Variants in PRMT8 observed in about 807,000 individuals in gnomAD.
The protein encoded by PRMT8 is protein arginine N-methyltransferase 8.
PRMT8 carries 7 observed loss-of-function variants against 47.1 expected under a neutral mutation model. That is an observed-to-expected ratio of 0.15 (90% CI 0.08 to 0.28). The LOEUF (loss-of-function observed/expected upper bound fraction) is 0.28. Among genes scored for constraint, PRMT8 ranks in the 10% least tolerant of loss-of-function variants. The pLI, the probability that PRMT8 is intolerant of heterozygous loss-of-function variation, is 1.00. For missense variants in PRMT8, 237 were observed against 505.4 expected (o/e 0.47, Z 5.09); for synonymous variants, 188 against 186.5 (o/e 1.01, Z -0.07).
intron 1 of PRMT8, chr12:3,469,289 C>A: frequency 2.3e-6 from 1 of 434,464 alleles, no homozygotes; most frequent in Non-Finnish European, 4.5e-6. Flanking sequence ...CCACCAAAGC[C>A]CATGTAAGGA....
intron 1 of PRMT8, among the ~76,000 whole-genome samples, chr12:3,497,332 A>C (rs1865526366): frequency 6.6e-6 from 1 of 152,172 alleles, no homozygotes; most frequent in Non-Finnish European, 1.5e-5. Context: ...CTAACCGAAG[A>C]TGCATTGTTG....
upstream of PRMT8, among the ~76,000 whole-genome samples, chr12:3,487,781 T>A (rs1237846626): frequency 2.0e-5 from 3 of 152,216 alleles, no homozygotes; most frequent in Admixed American, 1.3e-4. Flanking sequence ...TGTGGGGTTC[T>A]TGTTTTGGAT....
intron 1 of PRMT8, among the ~76,000 whole-genome samples, chr12:3,478,481 A>T: frequency 6.6e-6 from 1 of 152,200 alleles, no homozygotes; most frequent in East Asian, 1.9e-4. Context: ...CTTGATAGTA[A>T]GGGTGAATTG....
At chr12:3,475,672 G>T (rs141205005) in intron 1 of PRMT8, among the ~76,000 whole-genome samples, 1 of 151,186 alleles carries the variant, frequency 6.6e-6, no homozygotes, top group Non-Finnish European at 1.5e-5. Flanking sequence ...AGATTGCAAG[G>T]CCTCTGCAGA....
At chr12:3,435,583 G>C (rs987835633) in intron 1 of PRMT8, among the ~76,000 whole-genome samples, 1 of 148,340 alleles carries the variant, frequency 6.7e-6, no homozygotes, top group Non-Finnish European at 1.5e-5. Flanking sequence ...GTGCAGTGGC[G>C]CAGTGTTGGC....
In PRMT8 at chr12:3,453,624, G is replaced by C. The variant is rs187618046; in HGVS notation, c.48+72182G>C. On this transcript the variant is annotated intron_variant, in intron 1 of 9. Coordinates refer to the PRMT8 transcript ENST00000452611. The surrounding 1 kb of genome is among the most constrained non-coding windows in gnomAD (Gnocchi z 4.9). Reference sequence around the variant, plus strand: ...GTCTGGGTCAGGAACTGGTGAGCGCGGTCAGGGGACACCCTTAGGAGAGGA... The same window carrying C: ...GTCTGGGTCAGGAACTGGTGAGCGCCGTCAGGGGACACCCTTAGGAGAGGA... 2.5e-3 allele frequency among the ~76,000 whole-genome samples: 377 copies of C among 152,276 alleles called. 1 individual carries two copies. Among genetic ancestry groups the C allele is most frequent in the African/African-American group, 8.5e-3 (355 of 41,552 alleles).
At chr12:3,498,876 A>G (rs1031956795) in intron 1 of PRMT8, among the ~76,000 whole-genome samples, 1 of 152,224 alleles carries the variant, frequency 6.6e-6, no homozygotes, top group Non-Finnish European at 1.5e-5. Context: ...TCTGGAAGCC[A>G]GAAGTCTGAA....
intron 1 of PRMT8, among the ~76,000 whole-genome samples, chr12:3,526,116 C>T (rs1319782814): frequency 1.3e-5 from 2 of 152,132 alleles, no homozygotes; most frequent in Admixed American, 1.3e-4. Context: ...TATAGTCTTA[C>T]CGTTTTTGTC....
rs1866818140 is a variant in PRMT8 at position 3,570,067 on chromosome 12, G to A, written c.712+503G>A. 6.6e-6 allele frequency among the ~76,000 whole-genome samples: 1 copy of A among 152,198 alleles called. No homozygotes were observed. Among genetic ancestry groups the A allele is most frequent in the Admixed American group, 6.5e-5 (1 of 15,280 alleles). Reference sequence around the variant, plus strand: ...TTCTTTTGAGGAATAGATAGCAGAGGGGGTGGGAAAGAGTGGAGATTTTGC... The same window carrying A: ...TTCTTTTGAGGAATAGATAGCAGAGAGGGTGGGAAAGAGTGGAGATTTTGC... On this transcript the variant is annotated intron_variant, in intron 6 of 9. Coordinates refer to ENST00000382622, the MANE Select transcript of PRMT8 (RefSeq NM_019854.5). This position sits in a 1 kb window ranked among gnomAD's most constrained non-coding sequence, Gnocchi z 5.5.
chr12:3,474,892 G>A (rs536773730), intron 1 of PRMT8, among the ~76,000 whole-genome samples: 3 of 152,318 alleles, frequency 2.0e-5, no homozygotes, highest in Admixed American at 6.5e-5. Flanking sequence ...ACATTTGCTG[G>A]ATGGACAAAC....
At chr12:3,467,143 G>A (rs1191182249) in intron 1 of PRMT8, among the ~76,000 whole-genome samples, 2 of 150,218 alleles carry the variant, frequency 1.3e-5, no homozygotes, top group African/African-American at 4.9e-5. Flanking sequence ...GGGAGGCTGA[G>A]GCAGGAGAAT....
At chr12:3,420,450 G>T (rs879337000) in intron 1 of PRMT8, among the ~76,000 whole-genome samples, 1 of 152,174 alleles carries the variant, frequency 6.6e-6, no homozygotes, top group Non-Finnish European at 1.5e-5. Context: ...GACCCCCTTT[G>T]TATGAGCCTC....
At chr12:3,427,706 A>C (rs1731905701) in intron 1 of PRMT8, among the ~76,000 whole-genome samples, 1 of 152,064 alleles carries the variant, frequency 6.6e-6, no homozygotes, top group South Asian at 2.1e-4. Flanking sequence ...TTTTGCAGAC[A>C]ATTTTTTGAC....
intron 8 of PRMT8, among the ~76,000 whole-genome samples, chr12:3,587,988 G>T (rs1258545296): frequency 6.6e-6 from 1 of 152,172 alleles, no homozygotes; most frequent in Admixed American, 6.5e-5. Context: ...TCCTCAGTGG[G>T]GTGGGGGTAG....
intron 1 of PRMT8, chr12:3,381,567 GTC>G: frequency 2.3e-6 from 2 of 879,048 alleles, no homozygotes; most frequent in Non-Finnish European, 3.6e-6. Context: ...GCCTGCTCAC[GTC>G]TCTGTTTCTA....
At chr12:3,543,207 TC>T (rs1335768256) in intron 2 of PRMT8, among the ~76,000 whole-genome samples, 1 of 152,170 alleles carries the variant, frequency 6.6e-6, no homozygotes, top group Non-Finnish European at 1.5e-5. Context: ...ATCTCATAGG[TC>T]CTTTAATGCA....
At position 3,535,328 on chromosome 12, in the gene PRMT8, CTG is replaced by C. The variant is rs1323549357; in HGVS notation, c.76-5275_76-5274del. Among the ~76,000 whole-genome samples the C allele has an allele frequency of 2.6e-5, 4 of 152,208 alleles. No homozygotes were observed. Among genetic ancestry groups the C allele is most frequent in the East Asian group, 3.8e-4 (2 of 5,198 alleles). On this transcript the variant is annotated intron_variant, in intron 1 of 9. Transcript: ENST00000382622. The surrounding 1 kb of genome is among the most constrained non-coding windows in gnomAD (Gnocchi z 4.7). ...GCACTTTATTTATTAGGGAGAAAAA[CTG>C]TGCTGAAGCTGCCCTGGGTAAGGCC...
chr12:3,470,274 C>T (rs1216020373), intron 1 of PRMT8, among the ~76,000 whole-genome samples: 2 of 152,196 alleles, frequency 1.3e-5, no homozygotes, highest in Non-Finnish European at 2.9e-5. Context: ...GTCAAGGCCT[C>T]CAGTCCTCTG....
chr12:3,397,031 A>C lies in PRMT8; in HGVS notation c.48+15589A>C, dbSNP rs1480606083. On this transcript the variant is annotated intron_variant, in intron 1 of 9. Transcript: ENST00000452611. ...GGCTCCTGAGGCTTCTGCATTCTTC[A>C]CGTAGTTCTCGAGCCTTGGTTTTCA... Among the ~76,000 whole-genome samples the C allele has an allele frequency of 2.0e-5, 3 of 151,638 alleles. No individual in the cohort carries two copies. The East Asian group carries it at 5.8e-4, about 30-fold the overall frequency.
Sources: gnomAD v4.1 joint callset for allele counts (sites outside exome capture counted in the v4.1 genomes callset) on GRCh38, gnomAD v4.1.1 for gene constraint, Gnocchi (gnomAD v3.1) non-coding constraint, MANE v1.5 for transcripts, NCBI Gene and HGNC (gene_info 2026-07-23, HGNC 2026-07-21) for gene names.